FNBP1: variants seen among roughly 807,000 people sequenced by gnomAD.
FNBP1 encodes formin binding protein 1.
A neutral mutation model predicts 90.6 loss-of-function variants in FNBP1; 26 were observed. The observed-to-expected ratio is 0.29, with a 90% confidence interval of 0.21 to 0.40. The LOEUF (loss-of-function observed/expected upper bound fraction) is 0.40, where lower values mean the gene tolerates loss of function less well. FNBP1 is among the 10% of genes least tolerant of loss of function. The pLI is 1.00. For synonymous variants in FNBP1, 260 were observed against 265.2 expected (o/e 0.98, Z 0.19); for missense variants, 635 against 768.0 (o/e 0.83, Z 2.05).
intron 1 of FNBP1, among the ~76,000 whole-genome samples, chr9:130,012,070 T>C (rs1055411907): frequency 1.3e-5 from 2 of 152,114 alleles, no homozygotes; most frequent in African/African-American, 4.8e-5. Flanking sequence ...ATACAAAGAA[T>C]TGAAAGGCCA....
chr9:129,897,925 G>A (rs2036091116), intron 15 of FNBP1, among the ~76,000 whole-genome samples: 1 of 152,050 alleles, frequency 6.6e-6, no homozygotes, highest in Non-Finnish European at 1.5e-5. Flanking sequence ...TGCCTCCTGG[G>A]TTCAAGCAAT....
At chr9:129,914,888 A>G (rs747484395) in intron 11 of FNBP1, 2 of 469,626 alleles carry the variant, frequency 4.3e-6, no homozygotes, top group Non-Finnish European at 8.8e-6. Flanking sequence ...ACTGTCCATT[A>G]TTTTAGGATA....
chr9:130,040,281 T>C (rs1462878137), intron 1 of FNBP1, among the ~76,000 whole-genome samples: 1 of 152,212 alleles, frequency 6.6e-6, no homozygotes, highest in African/African-American at 2.4e-5. Flanking sequence ...TTTCCTATAT[T>C]AAACTGTAAG....
chr9:130,040,749 C>G (rs2059751629), intron 1 of FNBP1, among the ~76,000 whole-genome samples: 1 of 151,816 alleles, frequency 6.6e-6, no homozygotes, highest in Non-Finnish European at 1.5e-5. Flanking sequence ...ACAAATAGTT[C>G]ACATCCTTCT....
rs997331052 is a variant in FNBP1 at position 129,965,830 on chromosome 9, A to G, written c.346-7277T>C. Among the ~76,000 whole-genome samples the G allele has an allele frequency of 3.3e-5, 5 of 150,918 alleles. No individual in the cohort carries two copies. The East Asian group carries it at 9.8e-4, about 29-fold the overall frequency. On this transcript the variant is annotated intron_variant, in intron 4 of 16. Coordinates refer to ENST00000446176, the MANE Select transcript of FNBP1 (RefSeq NM_015033.3). ...GAGGGAGGGAGGGAGGAAGGAAGGA[A>G]GGAAGGAAGGAAGGAAGGAAGGAAG...
chr9:129,992,171 A>G (rs1199050774), intron 2 of FNBP1, among the ~76,000 whole-genome samples: 1 of 152,232 alleles, frequency 6.6e-6, no homozygotes, highest in Non-Finnish European at 1.5e-5. Context: ...GAGGCAGGGG[A>G]AGAGCAGGGG....
chr9:129,972,477 A>G (rs1014321614), intron 4 of FNBP1, among the ~76,000 whole-genome samples: 1 of 151,656 alleles, frequency 6.6e-6, no homozygotes, highest in African/African-American at 2.4e-5. Context: ...AAAATCACTG[A>G]ACAACTACCG....
At position 129,890,605 on chromosome 9, in the gene FNBP1, C is replaced by G; in HGVS notation, c.1847-59G>C. ...TCTGTTAGAGAGGAAGGCGCGGGTT[C>G]CAGGCGGGCATTTTGCTCTTGGCTA... is the stretch of plus-strand genomic sequence containing the variant. On this transcript the variant is annotated intron_variant, in intron 16 of 16. Transcript: ENST00000446176. This position sits in a 1 kb window ranked among gnomAD's most constrained non-coding sequence, Gnocchi z 5.8. 4.7e-6 allele frequency: 7 copies of G among 1,504,838 alleles called. No individual in the cohort carries two copies. Among genetic ancestry groups the G allele is most frequent in the Non-Finnish European group, 5.4e-6 (6 of 1,103,642 alleles). 93.2% of individuals were successfully genotyped at this position (1,504,838 alleles called of 1,614,324 possible). A position where few individuals can be genotyped will look rare whatever the true frequency, so the allele number is the denominator to read the frequency against.
chr9:129,974,015 G>C (rs2049915027), intron 4 of FNBP1, among the ~76,000 whole-genome samples: 1 of 151,812 alleles, frequency 6.6e-6, no homozygotes, highest in African/African-American at 2.4e-5. Context: ...GTAGAGAAGG[G>C]GTTTCATCAC....
Position 129,925,127 on chromosome 9 carries a change from A to G in FNBP1, c.820T>C (p.Ser274Pro). Residue 274 changes from serine (S) to proline (P), a missense_variant, in exon 9 of 17, where the codon TCA (serine) becomes CCA (proline). Transcript: ENST00000446176. The part of the protein sequence containing the change: ...DSQLVIEAYK[S>P]GFEPPGDIEF... The stretch of plus-strand genomic sequence containing the variant: ...ATGTCTCCAGGAGGCTCAAACCCTG[A>G]TTTATAAGCTTCTATTACCAGCTGT... 1 of 1,613,598 alleles carries G rather than the reference A, an allele frequency of 6.2e-7. No individual in the cohort carries two copies. Among genetic ancestry groups the G allele is most frequent in the Non-Finnish European group, 8.5e-7 (1 of 1,179,654 alleles).
chr9:130,028,154 A>G (rs1170259371), intron 1 of FNBP1, among the ~76,000 whole-genome samples: 1 of 152,090 alleles, frequency 6.6e-6, no homozygotes, highest in Non-Finnish European at 1.5e-5. Flanking sequence ...GTCCCTTCTC[A>G]CCCACTCAGT....
At chr9:130,048,445 TAG>T in the FNBP1 span, among the ~76,000 whole-genome samples, 1 of 150,752 alleles carries the variant, frequency 6.6e-6, no homozygotes, top group Non-Finnish European at 1.5e-5. Flanking sequence ...CAGACAGCTA[TAG>T]AGAGCTTTGG....
intron 10 of FNBP1, among the ~76,000 whole-genome samples, chr9:129,917,535 A>G (rs1471340095): frequency 6.6e-6 from 1 of 151,612 alleles, no homozygotes; most frequent in African/African-American, 2.4e-5. Flanking sequence ...GGGTTTCACC[A>G]TGTTGCCCAG....
intron 16 of FNBP1, among the ~76,000 whole-genome samples, chr9:129,894,802 A>G (rs965926652): frequency 6.6e-6 from 1 of 152,170 alleles, no homozygotes; most frequent in African/African-American, 2.4e-5. Flanking sequence ...GCTCACGCCT[A>G]TAATCCCAGC....
chr9:129,987,453 T>C (rs749596444), intron 2 of FNBP1, among the ~76,000 whole-genome samples: 7 of 152,014 alleles, frequency 4.6e-5, no homozygotes, highest in Non-Finnish European at 8.8e-5. Context: ...AGTGAGTCAA[T>C]TGAGCCTGTT....
chr9:129,968,178 T>C (rs893506369), intron 4 of FNBP1, among the ~76,000 whole-genome samples: 4 of 152,142 alleles, frequency 2.6e-5, no homozygotes, highest in East Asian at 3.9e-4. Context: ...GCAGATCACC[T>C]GAGGTCAGGA....
At chr9:130,009,588 G>A (rs749301293) in intron 1 of FNBP1, among the ~76,000 whole-genome samples, 1 of 152,088 alleles carries the variant, frequency 6.6e-6, no homozygotes, top group African/African-American at 2.4e-5. Context: ...GGATCACAAG[G>A]TCAAGAGATT....
chr9:129,898,559 C>G (rs1343334509), intron 15 of FNBP1, among the ~76,000 whole-genome samples: 1 of 151,924 alleles, frequency 6.6e-6, no homozygotes, highest in African/African-American at 2.4e-5. Flanking sequence ...GGCACGACCT[C>G]GGCTCACTGC....
intron 10 of FNBP1, 69 bp from the exon 11 acceptor site, chr9:129,916,049 A>C (rs2040213068): frequency 1.8e-6 from 2 of 1,111,002 alleles, no homozygotes; most frequent in Non-Finnish European, 2.7e-6. Context: ...AAAAAAAAAC[A>C]ACAACACATC....
Sources: gnomAD v4.1 joint callset for allele counts (sites outside exome capture counted in the v4.1 genomes callset) on GRCh38, gnomAD v4.1.1 for gene constraint, Gnocchi (gnomAD v3.1) non-coding constraint, MANE v1.5 for transcripts, NCBI Gene and HGNC (gene_info 2026-07-23, HGNC 2026-07-21) for gene names.